The following SORBS2 variants were observed in gnomAD, a reference collection of about 807,000 sequenced individuals.
The protein encoded by SORBS2 is sorbin and SH3 domain-containing protein 2.
SORBS2 carries 46 observed loss-of-function variants against 97.7 expected under a neutral mutation model. That is an observed-to-expected ratio of 0.47 (90% CI 0.37 to 0.60). SORBS2 has a LOEUF of 0.60. SORBS2 is among the 20% of genes least tolerant of loss of function. SORBS2 has a pLI of 0.00. For missense variants in SORBS2, 1,316 were observed against 1,282.3 expected, an observed-to-expected ratio of 1.03 and a Z score of -0.40; for synonymous variants, 476 against 473.4, an observed-to-expected ratio of 1.01 and a Z score of -0.07.
intron 1 of SORBS2, among the ~76,000 whole-genome samples, chr4:185,804,160 A>C (rs1417181510): frequency 6.6e-6 from 1 of 152,240 alleles, no homozygotes; most frequent in Non-Finnish European, 1.5e-5. Context: ...AAAAACCCAT[A>C]ACAAAACAAA....
chr4:185,656,832 A>G (rs953014447), exon 1 of SORBS2: 2 of 1,380,076 alleles, frequency 1.4e-6, no homozygotes, highest in Non-Finnish European at 1.9e-6. Flanking sequence ...AAACACTTTC[A>G]CTTATCATCC....
At chr4:185,786,779 T>C (rs775305641) in intron 1 of SORBS2, among the ~76,000 whole-genome samples, 1 of 152,084 alleles carries the variant, frequency 6.6e-6, no homozygotes, top group Non-Finnish European at 1.5e-5. Flanking sequence ...CTGGCCAACA[T>C]GGTGACACCC....
chr4:185,622,923 C>A, exon 7 of SORBS2: 1 of 1,606,266 alleles, frequency 6.2e-7, no homozygotes, highest in Non-Finnish European at 8.5e-7. Context: ...CCTTGGAGTG[C>A]ACCGCCACGG....
chr4:185,853,266 G>T (rs1395054526), intron 1 of SORBS2, among the ~76,000 whole-genome samples: 3 of 152,132 alleles, frequency 2.0e-5, no homozygotes, highest in Non-Finnish European at 2.9e-5. Context: ...AAACATCAAA[G>T]CTAAAAGAAA....
chr4:185,897,884 A>T (rs1209440894), intron 1 of SORBS2, among the ~76,000 whole-genome samples: 1 of 152,064 alleles, frequency 6.6e-6, no homozygotes, highest in Non-Finnish European at 1.5e-5. Context: ...TCAAAAAAAA[A>T]AATTTAGCAG....
At chr4:185,817,966 G>A (rs1319190019) in intron 1 of SORBS2, among the ~76,000 whole-genome samples, 1 of 152,142 alleles carries the variant, frequency 6.6e-6, no homozygotes, top group African/African-American at 2.4e-5. Context: ...ACACGTTTTA[G>A]GATCCAACGG....
intron 1 of SORBS2, among the ~76,000 whole-genome samples, chr4:185,915,795 T>C (rs2099257819): frequency 6.6e-6 from 1 of 152,078 alleles, no homozygotes; most frequent in Non-Finnish European, 1.5e-5. Flanking sequence ...GTGCTCTGGA[T>C]TAAAGGAACG....
intron 1 of SORBS2, among the ~76,000 whole-genome samples, chr4:185,943,673 G>A (rs2099273183): frequency 6.6e-6 from 1 of 152,152 alleles, no homozygotes; most frequent in African/African-American, 2.4e-5. Flanking sequence ...GTATAACCTG[G>A]TTGAAGAACA....
At chr4:185,757,764 A>G (rs1227023562) in intron 2 of SORBS2, among the ~76,000 whole-genome samples, 1 of 152,244 alleles carries the variant, frequency 6.6e-6, no homozygotes, top group African/African-American at 2.4e-5. Flanking sequence ...ACATTAGTTC[A>G]GCAATTTCGA....
chr4:185,649,005 C>T (rs919322787), intron 3 of SORBS2, among the ~76,000 whole-genome samples: 5 of 152,160 alleles, frequency 3.3e-5, no homozygotes, highest in East Asian at 3.9e-4. Flanking sequence ...AAGGAAAACT[C>T]GTATTAGCTT....
At chr4:185,652,458 C>T (rs1423054510) in intron 2 of SORBS2, among the ~76,000 whole-genome samples, 1 of 152,138 alleles carries the variant, frequency 6.6e-6, no homozygotes, top group Non-Finnish European at 1.5e-5. Flanking sequence ...GGGGAGGCTT[C>T]TTGGCAGCTC....
At chr4:185,886,569 A>AAAC (rs796192562) in intron 1 of SORBS2, among the ~76,000 whole-genome samples, 1 of 137,658 alleles carries the variant, frequency 7.3e-6, no homozygotes. Context: ...AAAAAAAAAA[A>AAAC]AAAAGAAAAG....
intron 1 of SORBS2, among the ~76,000 whole-genome samples, chr4:185,820,075 T>C (rs576529560): frequency 6.6e-6 from 1 of 152,186 alleles, no homozygotes; most frequent in African/African-American, 2.4e-5. Context: ...TGATTTATGG[T>C]GCGGCACTGG....
intron 2 of SORBS2, among the ~76,000 whole-genome samples, chr4:185,728,480 T>C (rs2153568176): frequency 6.6e-6 from 1 of 152,312 alleles, no homozygotes; most frequent in East Asian, 1.9e-4. Context: ...CTGGTAATAC[T>C]TCTTTCTCCA....
chr4:185,949,649 A>C (rs771609599), intron 1 of SORBS2, among the ~76,000 whole-genome samples: 2 of 152,090 alleles, frequency 1.3e-5, no homozygotes, highest in East Asian at 3.9e-4. Flanking sequence ...ACTGTGCAGC[A>C]GTGTGGATAA....
intron 1 of SORBS2, among the ~76,000 whole-genome samples, chr4:185,909,223 T>G (rs2099253464): frequency 6.6e-6 from 1 of 152,142 alleles, no homozygotes; most frequent in African/African-American, 2.4e-5. Flanking sequence ...CCATAAAAAA[T>G]GAAATTATGT....
intron 1 of SORBS2, among the ~76,000 whole-genome samples, chr4:185,791,913 C>T (rs376927431): frequency 6.6e-6 from 1 of 152,148 alleles, no homozygotes; most frequent in African/African-American, 2.4e-5. Flanking sequence ...GGTAAAACCA[C>T]CACTGCCAGT....
chr4:185,806,705 G>A lies in SORBS2; in HGVS notation c.-337-31339C>T, dbSNP rs1007108785. ...GATCTCCTGACCTCGTGATCCGCCC[G>A]CCTCGGCCTCCCAAAGTGCTGGGAT... On this transcript the variant is annotated intron_variant, in intron 1 of 20. Coordinates refer to the SORBS2 transcript ENST00000284776. Among the ~76,000 whole-genome samples the A allele has an allele frequency of 3.9e-5, 6 of 152,048 alleles. No homozygotes were observed. In the South Asian group the frequency reaches 8.3e-4, roughly 21 times the overall value.
chr4:185,802,419 A>C (rs2099135179), intron 1 of SORBS2, among the ~76,000 whole-genome samples: 1 of 152,220 alleles, frequency 6.6e-6, no homozygotes. Context: ...TTTAATATAC[A>C]GTTACAACTT....
Sources: allele counts gnomAD v4.1 joint callset (sites outside exome capture counted in the v4.1 genomes callset), GRCh38; gene constraint gnomAD v4.1.1; transcripts MANE v1.5; gene names NCBI Gene and HGNC (gene_info 2026-07-23, HGNC 2026-07-21).